PPARGC1A: variants seen among roughly 807,000 people sequenced by gnomAD.
The protein encoded by PPARGC1A is peroxisome proliferator-activated receptor gamma coactivator 1-alpha.
Under a neutral mutation model 88.7 loss-of-function variants are expected in PPARGC1A, and 25 were observed. The observed-to-expected ratio is 0.28, with a 90% confidence interval of 0.21 to 0.39. The LOEUF is 0.39. Among genes scored for constraint, PPARGC1A ranks in the 10% least tolerant of loss-of-function variants. PPARGC1A has a pLI of 1.00. For synonymous variants in PPARGC1A, 363 were observed against 355.6 expected, an observed-to-expected ratio of 1.02 and a Z score of -0.24; for missense variants, 880 against 968.7, an observed-to-expected ratio of 0.91 and a Z score of 1.22.
chr4:24,365,825 C>T, the PPARGC1A span, among the ~76,000 whole-genome samples: 1 of 152,220 alleles, frequency 6.6e-6, no homozygotes, highest in African/African-American at 2.4e-5. Flanking sequence ...AGGATTTAGT[C>T]AGCCTCCTAT....
chr4:24,082,195 C>A, the PPARGC1A span, among the ~76,000 whole-genome samples: 3 of 152,190 alleles, frequency 2.0e-5, no homozygotes, highest in Admixed American at 6.5e-5. Flanking sequence ...AATCCAGGCA[C>A]TGCCCCTGAG....
the PPARGC1A span, among the ~76,000 whole-genome samples, chr4:24,313,224 A>T: frequency 6.6e-6 from 1 of 152,216 alleles, no homozygotes; most frequent in East Asian, 1.9e-4. Context: ...GATTGCAGGG[A>T]AACTAAATAA....
chr4:23,973,274 A>T, the PPARGC1A span, among the ~76,000 whole-genome samples: 20 of 152,356 alleles, frequency 1.3e-4, no homozygotes, highest in African/African-American at 4.8e-4. Flanking sequence ...CAGGTTCTCA[A>T]TTCTTTCCTG....
chr4:24,327,083 C>T, the PPARGC1A span, among the ~76,000 whole-genome samples: 1 of 152,172 alleles, frequency 6.6e-6, no homozygotes, highest in Non-Finnish European at 1.5e-5. Context: ...CCTCACCAAG[C>T]TCAGCCACCA....
At chr4:24,362,013 T>C in the PPARGC1A span, among the ~76,000 whole-genome samples, 1 of 152,378 alleles carries the variant, frequency 6.6e-6, no homozygotes, top group African/African-American at 2.4e-5. Flanking sequence ...TCTCAGGGTT[T>C]TTCTATCAAA....
At chr4:24,128,921 A>G in the PPARGC1A span, among the ~76,000 whole-genome samples, 6 of 152,224 alleles carry the variant, frequency 3.9e-5, no homozygotes, top group Non-Finnish European at 8.8e-5. Flanking sequence ...AATGACATAG[A>G]AAGTAACAAA....
the PPARGC1A span, among the ~76,000 whole-genome samples, chr4:24,437,604 T>C: frequency 1.8e-5 from 2 of 111,368 alleles, no homozygotes; most frequent in African/African-American, 6.7e-5. Context: ...TTTGTTGTTG[T>C]TGTTGTTGTT....
At chr4:23,796,780 T>G (rs1474990809) in intron 12 of PPARGC1A, among the ~76,000 whole-genome samples, 7 of 152,170 alleles carry the variant, frequency 4.6e-5, no homozygotes, top group African/African-American at 1.7e-4. Flanking sequence ...AAAAGCCTCT[T>G]ATAAATACGT....
rs143700783 is a variant in PPARGC1A at position 23,844,159 on chromosome 4, G to A, written c.235-12408C>T. On this transcript the variant is annotated intron_variant, in intron 2 of 12. Coordinates refer to ENST00000264867, the MANE Select transcript of PPARGC1A (RefSeq NM_013261.5). ...TATATTTATACATCGGGAGAATACA[G>A]TATACATATGTGTGTATATATAAAA... Among the ~76,000 whole-genome samples the A allele has an allele frequency of 5.7e-3, 849 of 149,800 alleles. 3 individuals are homozygous for A. Among genetic ancestry groups the A allele is most frequent in the Non-Finnish European group, 9.3e-3 (631 of 67,516 alleles).
chr4:24,460,587 T>C, the PPARGC1A span, among the ~76,000 whole-genome samples: 1 of 151,720 alleles, frequency 6.6e-6, no homozygotes, highest in East Asian at 1.9e-4. Context: ...GTCAAAAAAA[T>C]CAATTAGCAA....
the PPARGC1A span, among the ~76,000 whole-genome samples, chr4:24,324,753 T>A: frequency 6.6e-6 from 1 of 152,082 alleles, no homozygotes; most frequent in Non-Finnish European, 1.5e-5. Flanking sequence ...TACACATCAG[T>A]CCCTTCCTAG....
At chr4:23,996,443 C>A in the PPARGC1A span, among the ~76,000 whole-genome samples, 1 of 152,172 alleles carries the variant, frequency 6.6e-6, no homozygotes, top group South Asian at 2.1e-4. Flanking sequence ...AACAGAATAC[C>A]CCATGAAGCA....
chr4:24,217,387 C>T, the PPARGC1A span, among the ~76,000 whole-genome samples: 4 of 152,276 alleles, frequency 2.6e-5, no homozygotes, highest in South Asian at 8.3e-4. Flanking sequence ...CCCAAAGACA[C>T]TAGAATGTGG....
intron 2 of PPARGC1A, among the ~76,000 whole-genome samples, chr4:23,846,579 T>C (rs1336975241): frequency 4.6e-5 from 7 of 152,310 alleles, no homozygotes; most frequent in African/African-American, 1.7e-4. Context: ...GTGTTTTTAA[T>C]AGATCACAAG....
chr4:24,256,570 A>AT, the PPARGC1A span, among the ~76,000 whole-genome samples: 4 of 152,124 alleles, frequency 2.6e-5, no homozygotes, highest in East Asian at 1.9e-4. Context: ...TTTAGTACAA[A>AT]TTTTTTTCAC....
At chr4:24,315,994 C>T in the PPARGC1A span, among the ~76,000 whole-genome samples, 1 of 152,270 alleles carries the variant, frequency 6.6e-6, no homozygotes, top group East Asian at 1.9e-4. Flanking sequence ...CCAACATGCA[C>T]CCAATGCCCA....
the PPARGC1A span, among the ~76,000 whole-genome samples, chr4:23,946,678 A>C: frequency 6.6e-6 from 1 of 152,148 alleles, no homozygotes; most frequent in Non-Finnish European, 1.5e-5. Flanking sequence ...AAAGTGTAGC[A>C]GATTGTTTGT....
At chr4:24,161,961 T>TAC in the PPARGC1A span, among the ~76,000 whole-genome samples, 2,590 of 133,832 alleles carry the variant, frequency 0.019, 24 homozygotes, top group East Asian at 0.034. Flanking sequence ...AATTGTGATA[T>TAC]ACACACACAC....
chr4:23,824,493 A>G lies in PPARGC1A; in HGVS notation c.773T>C (p.Leu258Ser). The G allele has an allele frequency of 6.2e-7, 1 of 1,608,228 alleles. No homozygotes were observed. Among genetic ancestry groups the G allele is most frequent in the Non-Finnish European group, 8.5e-7 (1 of 1,175,606 alleles). The part of the protein sequence containing the change: ...SQHLQAKPTT[L>S]SLPLTPESPN... ...TGACTCTGGGGTCAGAGGAAGAGAT[A>G]AAGTTGTTGGTTTGGCTAAAGAAAA... Residue 258 changes from leucine to serine, a missense_variant, in exon 6 of 13, where the codon TTA becomes TCA. Transcript: ENST00000264867.
Sources: allele counts gnomAD v4.1 joint callset (sites outside exome capture counted in the v4.1 genomes callset), GRCh38; gene constraint gnomAD v4.1.1; transcripts MANE v1.5; gene names NCBI Gene and HGNC (gene_info 2026-07-23, HGNC 2026-07-21).